NCKAP5: variants seen among roughly 807,000 people sequenced by gnomAD.
The protein encoded by NCKAP5 is NCK associated protein 5.
A neutral mutation model predicts 167.0 loss-of-function variants in NCKAP5; 92 were observed. The observed-to-expected ratio is 0.55, with a 90% CI of 0.47 to 0.66. The LOEUF (loss-of-function observed/expected upper bound fraction) is 0.66, where lower values mean the gene tolerates loss of function less well. Among genes scored for constraint, NCKAP5 ranks in the 30% least tolerant of loss-of-function variants. The pLI, the probability that NCKAP5 is intolerant of heterozygous loss-of-function variation, is 0.00. For missense variants in NCKAP5, 2,378 were observed against 2,315.0 expected (o/e 1.03, Z -0.56); for synonymous variants, 891 against 877.4 (o/e 1.02, Z -0.27).
intron 3 of NCKAP5, among the ~76,000 whole-genome samples, chr2:133,437,976 T>C (rs1360434478): frequency 6.6e-6 from 1 of 152,238 alleles, no homozygotes; most frequent in African/African-American, 2.4e-5. Context: ...TTTGCCTGCA[T>C]TTAAAAATAC....
chr2:133,092,490 T>C lies in NCKAP5; in HGVS notation c.341+37488A>G, dbSNP rs530534711. On this transcript the variant is annotated intron_variant, in intron 6 of 19. Transcript: ENST00000409261. ...CCAAAACCATGCATAAATATATTTC[T>C]GATGTCTTAAGGCAGTAAGTCCTAA... is the stretch of plus-strand genomic sequence containing the variant. 7.2e-5 allele frequency among the ~76,000 whole-genome samples: 11 copies of C among 152,350 alleles called. No individual in the cohort carries two copies. The South Asian group carries it at 1.5e-3, about 20-fold the overall frequency.
chr2:132,920,734 T>A (rs1187972056), intron 8 of NCKAP5, among the ~76,000 whole-genome samples: 2 of 106,640 alleles, frequency 1.9e-5, no homozygotes, highest in African/African-American at 4.3e-5. Flanking sequence ...TATATATATG[T>A]ATATATATGT....
chr2:133,484,552 C>T (rs1319445810), intron 3 of NCKAP5, among the ~76,000 whole-genome samples: 3 of 152,144 alleles, frequency 2.0e-5, no homozygotes, highest in Non-Finnish European at 4.4e-5. Context: ...TTAAACATCC[C>T]TAATCCCAAA....
chr2:133,173,499 T>C (rs1490791550), intron 5 of NCKAP5, among the ~76,000 whole-genome samples: 3 of 152,156 alleles, frequency 2.0e-5, no homozygotes, highest in Non-Finnish European at 2.9e-5. Flanking sequence ...CTGATCATCC[T>C]CCACCATCCC....
chr2:133,470,483 C>G lies in NCKAP5; in HGVS notation c.69+46975G>C, dbSNP rs540394448. Among the ~76,000 whole-genome samples the G allele has an allele frequency of 4.8e-3, 730 of 152,302 alleles. 3 individuals carry two copies. Among genetic ancestry groups the G allele is most frequent in the African/African-American group, 0.017 (693 of 41,574 alleles). The stretch of plus-strand genomic sequence containing the variant: ...CTTTTTGTTTGTCTGTGCCCTGCCC[C>G]CAGAGGTGGAGCCTACAGAGGCAGG... On this transcript the variant is annotated intron_variant, in intron 3 of 19. Transcript: ENST00000409261.
chr2:133,168,889 C>T (rs2084119312), intron 5 of NCKAP5, among the ~76,000 whole-genome samples: 1 of 152,056 alleles, frequency 6.6e-6, no homozygotes, highest in South Asian at 2.1e-4. Context: ...AGAGTTTACT[C>T]AGCTTCCTCT....
the NCKAP5 span, among the ~76,000 whole-genome samples, chr2:133,585,698 A>C: frequency 0.019 from 2,891 of 152,306 alleles, 55 homozygotes; most frequent in Non-Finnish European, 0.03. Flanking sequence ...TATTTCATTT[A>C]CTAGTTTTCA....
At chr2:133,419,315 C>G (rs1365721272) in intron 3 of NCKAP5, among the ~76,000 whole-genome samples, 1 of 152,200 alleles carries the variant, frequency 6.6e-6, no homozygotes, top group Non-Finnish European at 1.5e-5. Context: ...GTCCCCAAAT[C>G]TTGTGGTTGC....
intron 7 of NCKAP5, among the ~76,000 whole-genome samples, chr2:132,978,627 C>T (rs577914977): frequency 1.3e-5 from 2 of 152,276 alleles, no homozygotes; most frequent in South Asian, 4.1e-4. Flanking sequence ...GTGACTGACC[C>T]GCCTGTGTCA....
At chr2:133,264,615 T>C (rs1466246422) in intron 4 of NCKAP5, among the ~76,000 whole-genome samples, 4 of 152,136 alleles carry the variant, frequency 2.6e-5, no homozygotes, top group Non-Finnish European at 4.4e-5. Flanking sequence ...GTAATGTCCA[T>C]AGGCAAAAAG....
chr2:133,344,742 CT>C (rs1337666086), intron 3 of NCKAP5, among the ~76,000 whole-genome samples: 1 of 152,016 alleles, frequency 6.6e-6, no homozygotes, highest in Non-Finnish European at 1.5e-5. Flanking sequence ...GAGAAAGACT[CT>C]TAGTTAGCTT....
At chr2:132,682,546 C>A (rs2105048311) in intron 19 of NCKAP5, among the ~76,000 whole-genome samples, 1 of 152,228 alleles carries the variant, frequency 6.6e-6, no homozygotes, top group East Asian at 1.9e-4. Context: ...AAATATGGAA[C>A]AAAGCATTAG....
At chr2:132,766,097 T>C (rs1205170476) in intron 16 of NCKAP5, among the ~76,000 whole-genome samples, 1 of 151,702 alleles carries the variant, frequency 6.6e-6, no homozygotes, top group Non-Finnish European at 1.5e-5. Context: ...CTAGCCAACA[T>C]GGTGAAACCC....
intron 4 of NCKAP5, among the ~76,000 whole-genome samples, chr2:133,291,946 T>C (rs1679629833): frequency 6.6e-6 from 1 of 152,144 alleles, no homozygotes; most frequent in Non-Finnish European, 1.5e-5. Flanking sequence ...GTTAAAACCT[T>C]GAAGGAAAAA....
chr2:133,186,564 A>G (rs1425216387), intron 5 of NCKAP5, among the ~76,000 whole-genome samples: 1 of 152,024 alleles, frequency 6.6e-6, no homozygotes, highest in African/African-American at 2.4e-5. Flanking sequence ...GAATTCGGCT[A>G]TGACTCAATC....
Position 133,385,427 on chromosome 2 carries a change from T to C in NCKAP5, c.70-82317A>G, listed in dbSNP as rs1686874314. ...TGATCATGGTGGATAAGCTGTCGGATGTGCTGCTGGATTCGGTTTGCCAGT... is the reference window on the plus strand; with the variant it reads ...TGATCATGGTGGATAAGCTGTCGGACGTGCTGCTGGATTCGGTTTGCCAGT... On this transcript the variant is annotated intron_variant, in intron 3 of 19. Coordinates refer to ENST00000409261, the MANE Select transcript of NCKAP5 (RefSeq NM_207363.3). Among the ~76,000 whole-genome samples the C allele has an allele frequency of 3.9e-5, 6 of 152,252 alleles. No individual in the cohort carries two copies. In the South Asian group the frequency reaches 1.2e-3, roughly 32 times the overall value.
intron 6 of NCKAP5, among the ~76,000 whole-genome samples, chr2:133,007,141 C>T (rs1383195676): frequency 3.4e-4 from 52 of 152,192 alleles, no homozygotes; most frequent in Admixed American, 3.4e-3. Flanking sequence ...GAGGCCCTCT[C>T]ACCACTATGC....
intron 6 of NCKAP5, among the ~76,000 whole-genome samples, chr2:133,099,663 C>T (rs2081442718): frequency 6.6e-6 from 1 of 152,118 alleles, no homozygotes; most frequent in Admixed American, 6.6e-5. Context: ...GTACTATATT[C>T]TCAAAAAAAC....
Position 133,548,346 on chromosome 2 carries a change from G to T in NCKAP5, c.-62+10704C>A, listed in dbSNP as rs946990283. On this transcript the variant is annotated intron_variant, in intron 2 of 19. Transcript: ENST00000409261. Reference sequence around the variant, plus strand: ...AGAACTTCCCCAATCTAGCAAGGCAGGCCAATGTTCAGATTCAGGAAATAC... The same window carrying T: ...AGAACTTCCCCAATCTAGCAAGGCATGCCAATGTTCAGATTCAGGAAATAC... Among the ~76,000 whole-genome samples, 9 of 152,204 alleles carry T rather than the reference G, an allele frequency of 5.9e-5. No homozygotes were observed. The South Asian group carries it at 1.9e-3, about 32-fold the overall frequency.
Sources: allele counts gnomAD v4.1 joint callset (sites outside exome capture counted in the v4.1 genomes callset), GRCh38; gene constraint gnomAD v4.1.1; transcripts MANE v1.5; gene names NCBI Gene and HGNC (gene_info 2026-07-23, HGNC 2026-07-21).